PRICKLE4: variants seen among roughly 807,000 people sequenced by gnomAD.
PRICKLE4 encodes the protein prickle planar cell polarity protein 4, also known as prickle-like protein 4.
Under a neutral mutation model 43.5 loss-of-function variants are expected in PRICKLE4, and 40 were observed. That is an observed-to-expected ratio of 0.92 (90% CI 0.71 to 1.20). PRICKLE4 has a LOEUF of 1.20. Among genes scored for constraint, PRICKLE4 ranks in the 50% most tolerant of loss-of-function variants. PRICKLE4 has a pLI of 0.00. For synonymous variants in PRICKLE4, 208 were observed against 197.4 expected (o/e 1.05, Z -0.45); for missense variants, 527 against 491.2 (o/e 1.07, Z -0.69).
intron 3 of PRICKLE4, 41 bp downstream of exon 3, chr6:41,783,646 C>G: frequency 6.2e-7 from 1 of 1,613,888 alleles, no homozygotes; most frequent in Non-Finnish European, 8.5e-7. Flanking sequence ...AACATGTCCT[C>G]TATCCTGTGG....
chr6:41,786,668 G>A, intron 7 of PRICKLE4, 94 bp from the exon 8 acceptor site: 1 of 1,581,684 alleles, frequency 6.3e-7, no homozygotes, highest in East Asian at 2.3e-5. Context: ...CAGGGGCTGG[G>A]CGGGGCGGGA....
Position 41,787,407 on chromosome 6 carries a change from C to T in PRICKLE4, c.*278C>T, listed in dbSNP as rs899428665. 1.3e-4 allele frequency: 81 copies of T among 608,124 alleles called. No individual in the cohort carries two copies. Among genetic ancestry groups the T allele is most frequent in the Non-Finnish European group, 2.0e-5 (7 of 355,094 alleles). 37.7% of individuals were successfully genotyped at this position (608,124 alleles called of 1,614,324 possible). On this transcript the variant is annotated 3_prime_UTR_variant, in exon 8 of 8. Coordinates refer to ENST00000458694, the MANE Select transcript of PRICKLE4 (RefSeq NM_013397.6). ...TCCACAGGCTGGGACAGCCCCGTCC[C>T]CACCATCCTCCTCCCAAGCCAATTA...
chr6:41,785,025 G>T lies in PRICKLE4; in HGVS notation c.331G>T (p.Val111Leu). ...GAAGCAGGAAGCCCTGGGACAGGGGGTAGCCCGCCTGGTACTTCCCAAGCT... is the reference window on the plus strand; with the variant it reads ...GAAGCAGGAAGCCCTGGGACAGGGGTTAGCCCGCCTGGTACTTCCCAAGCT... ...RRKQEALGQGVARLVLPKLEG... is the reference protein window; with the variant it reads ...RRKQEALGQGLARLVLPKLEG... The change falls in exon 5 of 8, where the codon GTA becomes TTA. Residue 111 changes from valine (V) to leucine (L), a missense_variant. By Grantham distance (32) the Val-to-Leu change is conservative. Transcript: ENST00000458694. The T allele has an allele frequency of 6.2e-7, 1 of 1,613,540 alleles. No homozygotes were observed.
intron 2 of PRICKLE4, among the ~76,000 whole-genome samples, chr6:41,782,643 C>G (rs758827230): frequency 2.0e-5 from 3 of 151,944 alleles, no homozygotes; most frequent in African/African-American, 7.3e-5. Flanking sequence ...CCGCTTGTCT[C>G]GGCCTCCCGG....
In PRICKLE4 at chr6:41,785,519, G is replaced by A. The variant is rs1283290019; in HGVS notation, c.561G>A (p.Pro187=). ...GTCATCATGCAGAGTTGCTGCGCCC[G>A]CGCTGCCCGGCTTGTGACCAGGTAC... ...CGRHHAELLR[P]RCPACDQLIF... Residue 187 remains proline (P), a synonymous_variant, in exon 6 of 8, where the codon CCG becomes CCA. Coordinates refer to ENST00000458694, the MANE Select transcript of PRICKLE4 (RefSeq NM_013397.6). 8 of 1,613,248 alleles carry A rather than the reference G, an allele frequency of 5.0e-6. No homozygotes were observed. The highest frequency in any genetic ancestry group is 4.5e-5 in the East Asian group (2 of 44,882).
rs76510495 is a variant in PRICKLE4 at position 41,786,837 on chromosome 6, T to TTCG, written c.863_864insTCG (p.Leu288_Ala289insArg). 6.2e-7 allele frequency: 1 copy of TTCG among 1,603,824 alleles called. No individual in the cohort carries two copies. Among genetic ancestry groups the TTCG allele is most frequent in the Admixed American group, 1.7e-5 (1 of 59,326 alleles). ...TCTGCAACCCTCTCCCGAACACTCC[T>TTCG]CGCTGCTGCCGGCGGTTCCAGCCTG... On this transcript the variant is annotated inframe_insertion, in exon 8 of 8. Transcript: ENST00000458694.
Position 41,786,756 on chromosome 6 carries a change from G to C in PRICKLE4, c.788-6G>C, listed in dbSNP as rs757629934. On this transcript the variant is annotated splice_polypyrimidine_tract_variant and splice_region_variant and intron_variant, in intron 7 of 7. Coordinates refer to ENST00000458694, the MANE Select transcript of PRICKLE4 (RefSeq NM_013397.6). Reference sequence around the variant, plus strand: ...AGACCAGCGTTTCCGACCCGGCCCGGAACAGGGGAGACTGGACTCGACCGA... The same window carrying C: ...AGACCAGCGTTTCCGACCCGGCCCGCAACAGGGGAGACTGGACTCGACCGA... 8.7e-6 allele frequency: 14 copies of C among 1,613,040 alleles called. No individual in the cohort carries two copies. In the South Asian group the frequency reaches 1.4e-4, roughly 16 times the overall value.
At chr6:41,781,176 T>G (rs73424030) in intron 1 of PRICKLE4, 174 bp from the exon 2 acceptor site, 12,030 of 152,572 alleles carry the variant, frequency 0.079, 954 homozygotes, top group African/African-American at 0.19. Flanking sequence ...GTCCCTTATC[T>G]GAGGTGGGAG....
At position 41,785,652 on chromosome 6, in the gene PRICKLE4, G is replaced by T. The variant is rs1005755610; in HGVS notation, c.582+112G>T. The T allele has an allele frequency of 4.3e-6, 5 of 1,160,772 alleles. No individual in the cohort carries two copies. In the Admixed American group the frequency reaches 9.4e-5, roughly 22 times the overall value. 71.9% of individuals were successfully genotyped at this position (1,160,772 alleles called of 1,614,324 possible). On this transcript the variant is annotated intron_variant, in intron 6 of 7. Transcript: ENST00000458694. ...TCCCAGTATCAGGGAGTGGGGAGAA[G>T]TAGGAACCAGCCTGGGACTACCAAG...
chr6:41,784,724 G>A lies in PRICKLE4; in HGVS notation c.241-211G>A, dbSNP rs545857601. 5 of 609,778 alleles carry A rather than the reference G, an allele frequency of 8.2e-6. No homozygotes were observed. In the African/African-American group the frequency reaches 9.3e-5, roughly 11 times the overall value. 37.8% of individuals were successfully genotyped at this position (609,778 alleles called of 1,614,324 possible). On this transcript the variant is annotated intron_variant, in intron 4 of 7. Coordinates refer to ENST00000458694, the MANE Select transcript of PRICKLE4 (RefSeq NM_013397.6). ...GCTGTGGGCCTGTCAGGACCTGATT[G>A]ATGACATTCCTAGTGGGGCAGGGTG...
Position 41,784,966 on chromosome 6 carries a change from A to C in PRICKLE4, c.272A>C (p.Glu91Ala), listed in dbSNP as rs1387798283. The C allele has an allele frequency of 1.2e-6, 2 of 1,613,816 alleles. No homozygotes were observed. Among genetic ancestry groups the C allele is most frequent in the African/African-American group, 2.7e-5 (2 of 74,894 alleles). Residue 91 changes from glutamate (E) to alanine (A), a missense_variant, in exon 5 of 8, where the codon GAG (glutamate) becomes GCG (alanine). Physicochemically the swap from Glu to Ala is moderately radical, Grantham distance 107. Coordinates refer to ENST00000458694, the MANE Select transcript of PRICKLE4 (RefSeq NM_013397.6). Reference sequence around the variant, plus strand: ...TACTGCCTGGCCCTTGGGGAGGAGGAGCGGGCCGAGCTGCAGCTCTTCTGT... The same window carrying C: ...TACTGCCTGGCCCTTGGGGAGGAGGCGCGGGCCGAGCTGCAGCTCTTCTGT... ...ERYCLALGEEERAELQLFCAR... is the reference protein window; with the variant it reads ...ERYCLALGEEARAELQLFCAR...
intron 7 of PRICKLE4, 77 bp from the exon 8 acceptor site, chr6:41,786,685 G>C (rs1342436066): frequency 3.1e-6 from 5 of 1,602,750 alleles, no homozygotes; most frequent in Non-Finnish European, 4.2e-6. Flanking sequence ...GGGAGGCTGG[G>C]CCTCACCCCC....
Position 41,786,892 on chromosome 6 carries a change from T to G in PRICKLE4, c.918T>G (p.Ser306Arg). The G allele has an allele frequency of 6.2e-7, 1 of 1,610,528 alleles. No homozygotes were observed. The highest frequency in any genetic ancestry group is 1.1e-5 in the South Asian group (1 of 90,778). ...LQTQRGLPGS[S>R]PQQENRPGDK... ...CTCAGAGGGGGCTGCCTGGATCCAG[T>G]CCCCAGCAGGAGAACCGACCTGGGG... The change falls in exon 8 of 8, where the codon AGT becomes AGG. Residue 306 changes from serine to arginine, a missense_variant. Physicochemically the swap from Ser to Arg is moderately radical, Grantham distance 110. Transcript: ENST00000458694.
chr6:41,786,283 G>A lies in PRICKLE4; in HGVS notation c.738G>A (p.Ser246=), dbSNP rs1253175829. ...CCPSCFENRY[S]DAGSSWAGAL... is the part of the protein sequence containing the mutation. ...CCAGCTGCTTCGAGAACCGCTACTC[G>A]GATGCAGGCTCGAGCTGGGCCGGGG... The change falls in exon 7 of 8, where the codon TCG becomes TCA. Residue 246 remains serine, a synonymous_variant. Coordinates refer to ENST00000458694, the MANE Select transcript of PRICKLE4 (RefSeq NM_013397.6). 3 of 1,593,580 alleles carry A rather than the reference G, an allele frequency of 1.9e-6. No homozygotes were observed. Among genetic ancestry groups the A allele is most frequent in the Non-Finnish European group, 2.6e-6 (3 of 1,165,936 alleles).
intron 3 of PRICKLE4, 76 bp from the exon 4 acceptor site, chr6:41,784,055 C>T: frequency 9.2e-7 from 1 of 1,092,428 alleles, no homozygotes; most frequent in South Asian, 1.5e-5. Context: ...GAAGAGGTGG[C>T]AATGATGAGG....
Position 41,786,631 on chromosome 6 carries a change from T to TTGGCGG in PRICKLE4, c.788-131_788-130insTGGCGG, listed in dbSNP as rs1554141808. 1.2e-5 allele frequency: 17 copies of TTGGCGG among 1,422,232 alleles called. No homozygotes were observed. In the South Asian group the frequency reaches 1.4e-4, roughly 12 times the overall value. 88.1% of individuals were successfully genotyped at this position (1,422,232 alleles called of 1,614,324 possible). A position where few individuals can be genotyped will look rare whatever the true frequency, so the allele number is the denominator to read the frequency against. ...AGGCGGGGGACCCTGGCGAGGACTC[T>TTGGCGG]CGGCGGCGGCGGCGGCGCGCACGGC... On this transcript the variant is annotated intron_variant, in intron 7 of 7. Coordinates refer to ENST00000458694, the MANE Select transcript of PRICKLE4 (RefSeq NM_013397.6).
chr6:41,785,481 C>T lies in PRICKLE4; in HGVS notation c.523C>T (p.Leu175Phe). The T allele has an allele frequency of 6.2e-7, 1 of 1,614,082 alleles. No homozygotes were observed. The highest frequency in any genetic ancestry group is 8.5e-7 in the Non-Finnish European group (1 of 1,180,038). Residue 175 changes from leucine (L) to phenylalanine (F), a missense_variant, in exon 6 of 8, where the codon CTC becomes TTC. Coordinates refer to ENST00000458694, the MANE Select transcript of PRICKLE4 (RefSeq NM_013397.6). ...CATCTACTTCTACCATGATGGACAA[C>T]TCTACTGCGGCCGTCATCATGCAGA... Reference protein sequence around the residue: ...NLIYFYHDGQLYCGRHHAELL... With the variant: ...NLIYFYHDGQFYCGRHHAELL...
intron 2 of PRICKLE4, among the ~76,000 whole-genome samples, chr6:41,782,459 G>A (rs531995104): frequency 2.2e-5 from 3 of 138,432 alleles, no homozygotes; most frequent in African/African-American, 5.4e-5. Context: ...GCGCGATCTT[G>A]GCTCACTGCA....
rs1181182424 is a variant in PRICKLE4, at chr6:41,785,484, T to C, written c.526T>C (p.Tyr176His). ...CTACTTCTACCATGATGGACAACTCTACTGCGGCCGTCATCATGCAGAGTT... is the reference window on the plus strand; with the variant it reads ...CTACTTCTACCATGATGGACAACTCCACTGCGGCCGTCATCATGCAGAGTT... The part of the protein sequence containing the change: ...LIYFYHDGQL[Y>H]CGRHHAELLR... The change falls in exon 6 of 8, where the codon TAC becomes CAC. Residue 176 changes from tyrosine (Y) to histidine (H), a missense_variant. Physicochemically the swap from Tyr to His is moderately conservative, Grantham distance 83. Coordinates refer to ENST00000458694, the MANE Select transcript of PRICKLE4 (RefSeq NM_013397.6). 2 of 1,614,048 alleles carry C rather than the reference T, an allele frequency of 1.2e-6. No homozygotes were observed. Among genetic ancestry groups the C allele is most frequent in the East Asian group, 2.2e-5 (1 of 44,876 alleles).
Sources: allele counts gnomAD v4.1 joint callset (sites outside exome capture counted in the v4.1 genomes callset), GRCh38; gene constraint gnomAD v4.1.1; transcripts MANE v1.5; gene names NCBI Gene and HGNC (gene_info 2026-07-23, HGNC 2026-07-21).